Variants in FBXO34 observed in about 807,000 individuals in gnomAD.
FBXO34 encodes F-box only protein 34.
In FBXO34, 12 loss-of-function variants were observed where a neutral mutation model predicts 24.5. The observed-to-expected ratio is 0.49, with a 90% CI of 0.31 to 0.79. FBXO34 has a LOEUF of 0.79. Among genes scored for constraint, FBXO34 ranks in the 30% least tolerant of loss-of-function variants. FBXO34 has a pLI of 0.04. For synonymous variants in FBXO34, 320 were observed against 311.9 expected (o/e 1.03, Z -0.27); for missense variants, 823 against 857.7 (o/e 0.96, Z 0.51).
chr14:55,393,088 A>C, the FBXO34 span, among the ~76,000 whole-genome samples: 3 of 152,240 alleles, frequency 2.0e-5, no homozygotes, highest in African/African-American at 7.2e-5. Flanking sequence ...TTTTAAGTAT[A>C]ATGAAATATA....
At chr14:55,342,370 A>G (rs1001888836) in intron 1 of FBXO34, among the ~76,000 whole-genome samples, 4 of 152,074 alleles carry the variant, frequency 2.6e-5, no homozygotes, top group Non-Finnish European at 5.9e-5. Context: ...ACTAACCCTA[A>G]CCACCCAGTC....
the FBXO34 span, chr14:55,381,865 C>T: frequency 2.6e-5 from 26 of 987,182 alleles, no homozygotes; most frequent in South Asian, 3.5e-4. Context: ...TACTAAATGC[C>T]CCTGAATGGT....
chr14:55,326,012 G>C (rs1360248149), intron 1 of FBXO34: 1 of 152,186 alleles, frequency 6.6e-6, no homozygotes, highest in African/African-American at 2.4e-5. Flanking sequence ...GCAGGATTCT[G>C]GTCCATTGGT....
chr14:55,366,881 AAC>A (rs533252518), downstream of FBXO34: 343 of 152,750 alleles, frequency 2.2e-3, 4 homozygotes, highest in African/African-American at 7.6e-3. Context: ...GAGTAGAAAA[AAC>A]AGTGGTTGAA....
chr14:55,440,478 G>C, the FBXO34 span: 2,025 of 1,612,708 alleles, frequency 1.3e-3, 9 homozygotes, highest in Non-Finnish European at 1.2e-3. Flanking sequence ...TGGGGGTGGG[G>C]GCGGGTAAGA....
At chr14:55,384,192 A>G in the FBXO34 span, among the ~76,000 whole-genome samples, 1 of 152,234 alleles carries the variant, frequency 6.6e-6, no homozygotes, top group Non-Finnish European at 1.5e-5. Context: ...GCATATAATA[A>G]CATACACTAA....
chr14:55,411,927 C>T, the FBXO34 span: 337 of 1,049,400 alleles, frequency 3.2e-4, 2 homozygotes, highest in African/African-American at 4.6e-3. Context: ...TGCCGGCGAG[C>T]CCCCGGACCC....
In FBXO34 at chr14:55,350,920, C is replaced by T. The variant is rs748111862; in HGVS notation, c.530C>T (p.Pro177Leu). 5 of 1,613,898 alleles carry T rather than the reference C, an allele frequency of 3.1e-6. No individual in the cohort carries two copies. The East Asian group carries it at 1.1e-4, about 36-fold the overall frequency. ...MREVNSRCYQPEPFACGIEHC... is the reference protein window; with the variant it reads ...MREVNSRCYQLEPFACGIEHC... Reference sequence around the variant, plus strand: ...GAGGTTAACAGCAGGTGCTACCAACCTGAGCCTTTTGCATGTGGCATTGAG... The same window carrying T: ...GAGGTTAACAGCAGGTGCTACCAACTTGAGCCTTTTGCATGTGGCATTGAG... The change falls in exon 2 of 2, where the codon CCT (proline) becomes CTT (leucine). Residue 177 changes from proline to leucine, a missense_variant. This residue lies in a region of FBXO34 where 693 missense variants were observed against 659.1 expected (regional missense o/e 1.05). Transcript: ENST00000313833.
chr14:55,328,207 C>A (rs114581478), intron 1 of FBXO34, among the ~76,000 whole-genome samples: 2,117 of 152,114 alleles, frequency 0.014, 36 homozygotes, highest in African/African-American at 0.044. Flanking sequence ...GATCCACCTG[C>A]CCCAGCATTC....
chr14:55,374,109 A>G (rs552487857), downstream of FBXO34, among the ~76,000 whole-genome samples: 14 of 152,232 alleles, frequency 9.2e-5, no homozygotes, highest in Non-Finnish European at 1.0e-4. Flanking sequence ...TTTTTCCCTC[A>G]ACTACCAGCA....
At chr14:55,341,387 C>G (rs375552888) in intron 1 of FBXO34, among the ~76,000 whole-genome samples, 1 of 152,102 alleles carries the variant, frequency 6.6e-6, no homozygotes, top group Admixed American at 6.5e-5. Flanking sequence ...AGTTTAGAAT[C>G]CTTACTCAAG....
chr14:55,413,858 TA>T, the FBXO34 span: 1 of 422,266 alleles, frequency 2.4e-6, no homozygotes, highest in South Asian at 2.0e-5. Flanking sequence ...GCATGCTGGG[TA>T]ACACTGTAGA....
chr14:55,375,490 ATTTTT>A, the FBXO34 span, among the ~76,000 whole-genome samples: 7 of 117,804 alleles, frequency 5.9e-5, no homozygotes, highest in East Asian at 2.4e-4. Flanking sequence ...GCCGGGCTAA[ATTTTT>A]TTTTTTTTTT....
At chr14:55,324,575 A>G (rs749844788) in intron 1 of FBXO34, among the ~76,000 whole-genome samples, 1 of 152,086 alleles carries the variant, frequency 6.6e-6, no homozygotes, top group Non-Finnish European at 1.5e-5. Context: ...TTTAACTTGA[A>G]AGCCCCACAT....
intron 1 of FBXO34, among the ~76,000 whole-genome samples, chr14:55,301,601 A>G (rs539237372): frequency 1.3e-4 from 20 of 152,342 alleles, no homozygotes; most frequent in African/African-American, 4.3e-4. Flanking sequence ...GTCTTGAGTG[A>G]GAAAGTATCT....
rs374938300 is a variant in FBXO34 at position 55,322,270 on chromosome 14, A to G, written c.-10-28111A>G. Among the ~76,000 whole-genome samples, 627 of 150,010 alleles carry G rather than the reference A, an allele frequency of 4.2e-3. 1 individual carries two copies. The highest frequency in any genetic ancestry group is 0.015 in the African/African-American group (599 of 40,830). On this transcript the variant is annotated intron_variant, in intron 1 of 1. Coordinates refer to ENST00000313833, the MANE Select transcript of FBXO34 (RefSeq NM_017943.4). Reference sequence around the variant, plus strand: ...GCTTGCAGTGAGCCGAGATCACGCCACTGCACTCCAGCCTGGGCAACAGAG... The same window carrying G: ...GCTTGCAGTGAGCCGAGATCACGCCGCTGCACTCCAGCCTGGGCAACAGAG...
chr14:55,414,427 T>A, the FBXO34 span: 3 of 1,608,572 alleles, frequency 1.9e-6, no homozygotes, highest in Non-Finnish European at 2.5e-6. Context: ...TTTCAAATGC[T>A]TCATAGATCT....
chr14:55,423,258 G>A, the FBXO34 span, among the ~76,000 whole-genome samples: 1 of 152,210 alleles, frequency 6.6e-6, no homozygotes, highest in African/African-American at 2.4e-5. Flanking sequence ...ATGCTGCCAA[G>A]CATTTGGTAA....
chr14:55,372,279 C>T (rs1012507810), downstream of FBXO34, among the ~76,000 whole-genome samples: 4 of 148,156 alleles, frequency 2.7e-5, no homozygotes, highest in Middle Eastern at 3.4e-3. Context: ...AGGTCCTCAC[C>T]ATATCACCAC....
Sources: gnomAD v4.1 joint callset for allele counts (sites outside exome capture counted in the v4.1 genomes callset) on GRCh38, gnomAD v4.1.1 for gene constraint, gnomAD v4.1.1 regional missense constraint, MANE v1.5 for transcripts, NCBI Gene and HGNC (gene_info 2026-07-23, HGNC 2026-07-21) for gene names.